The following RABGAP1L variants were observed in gnomAD, a reference collection of about 807,000 sequenced individuals.
RABGAP1L encodes the protein rab GTPase-activating protein 1-like.
RABGAP1L carries 63 observed loss-of-function variants against 137.7 expected under a neutral mutation model. The ratio of observed to expected loss-of-function variants is 0.46; its 90% CI spans 0.37 to 0.56. The LOEUF (loss-of-function observed/expected upper bound fraction) is 0.56. RABGAP1L is among the 20% of genes least tolerant of loss of function. The pLI, the probability that RABGAP1L is intolerant of heterozygous loss-of-function variation, is 0.00. For missense variants in RABGAP1L, 1,095 were observed against 1,244.0 expected, an observed-to-expected ratio of 0.88 and a Z score of 1.80; for synonymous variants, 431 against 433.7, an observed-to-expected ratio of 0.99 and a Z score of 0.08.
chr1:174,596,621 T>G (rs558203237), intron 13 of RABGAP1L, among the ~76,000 whole-genome samples: 4 of 152,222 alleles, frequency 2.6e-5, no homozygotes, highest in Non-Finnish European at 5.9e-5. Context: ...CTTGATTAAG[T>G]CTTTAGGTTT....
chr1:174,862,929 G>T (rs1479414421), intron 19 of RABGAP1L, among the ~76,000 whole-genome samples: 2 of 151,064 alleles, frequency 1.3e-5, no homozygotes, highest in Non-Finnish European at 2.9e-5. Context: ...GAGTCTTGCT[G>T]TGTCGCCCAG....
intron 19 of RABGAP1L, chr1:174,945,706 A>G (rs1666626259): frequency 6.6e-6 from 1 of 152,178 alleles, no homozygotes; most frequent in African/African-American, 2.4e-5. Context: ...ACAAATCCAT[A>G]AGGGATGCAG....
intron 19 of RABGAP1L, among the ~76,000 whole-genome samples, chr1:174,855,702 G>A (rs1202113128): frequency 6.6e-6 from 1 of 152,172 alleles, no homozygotes; most frequent in Non-Finnish European, 1.5e-5. Flanking sequence ...TTTAAAGCAG[G>A]TTTTTGAAAA....
intron 13 of RABGAP1L, among the ~76,000 whole-genome samples, chr1:174,425,024 G>A (rs1263407627): frequency 6.6e-6 from 1 of 151,918 alleles, no homozygotes; most frequent in Non-Finnish European, 1.5e-5. Flanking sequence ...GTTTTGGTTG[G>A]TATAGAACAT....
At chr1:174,923,061 C>T (rs1473003013) in intron 19 of RABGAP1L, among the ~76,000 whole-genome samples, 1 of 151,100 alleles carries the variant, frequency 6.6e-6, no homozygotes, top group African/African-American at 2.4e-5. Flanking sequence ...GTCCCAGCTA[C>T]TTGGGGGGTC....
At chr1:174,376,905 A>G (rs890942289) in intron 12 of RABGAP1L, among the ~76,000 whole-genome samples, 1 of 152,184 alleles carries the variant, frequency 6.6e-6, no homozygotes, top group African/African-American at 2.4e-5. Context: ...AGAAAAATAT[A>G]ACACTGTCTC....
chr1:174,330,974 G>C (rs1680979052), intron 11 of RABGAP1L, among the ~76,000 whole-genome samples: 1 of 152,158 alleles, frequency 6.6e-6, no homozygotes, highest in South Asian at 2.1e-4. Flanking sequence ...GTATGGCATT[G>C]GCATAAAAAA....
chr1:174,795,412 A>C (rs1688173434), intron 18 of RABGAP1L, among the ~76,000 whole-genome samples: 2 of 152,048 alleles, frequency 1.3e-5, no homozygotes, highest in Non-Finnish European at 2.9e-5. Context: ...TATACAAACA[A>C]ACCTTATTAA....
At chr1:174,748,585 C>T (rs749484674) in intron 17 of RABGAP1L, among the ~76,000 whole-genome samples, 1 of 152,044 alleles carries the variant, frequency 6.6e-6, no homozygotes, top group Non-Finnish European at 1.5e-5. Flanking sequence ...AGACATTAAT[C>T]CATGGCCGAG....
At chr1:174,582,369 G>A (rs1441219848) in intron 13 of RABGAP1L, among the ~76,000 whole-genome samples, 1 of 152,134 alleles carries the variant, frequency 6.6e-6, no homozygotes, top group Non-Finnish European at 1.5e-5. Flanking sequence ...TTGAGGCTTT[G>A]TGTATGAAAA....
At chr1:174,980,216 T>A (rs1184457810) in intron 23 of RABGAP1L, among the ~76,000 whole-genome samples, 1 of 152,196 alleles carries the variant, frequency 6.6e-6, no homozygotes, top group Non-Finnish European at 1.5e-5. Context: ...ACTAATACAT[T>A]ATGAACATCT....
intron 19 of RABGAP1L, among the ~76,000 whole-genome samples, chr1:174,820,258 C>T (rs1690878926): frequency 1.3e-5 from 2 of 152,046 alleles, no homozygotes; most frequent in African/African-American, 4.8e-5. Context: ...GGACATGGGG[C>T]CAGGGCAGTT....
At chr1:174,393,622 T>TTCAG (rs1327146023) in intron 12 of RABGAP1L, among the ~76,000 whole-genome samples, 1 of 152,218 alleles carries the variant, frequency 6.6e-6, no homozygotes, top group Non-Finnish European at 1.5e-5. Flanking sequence ...CACATCATTG[T>TTCAG]CCAGCTTGCT....
At chr1:174,273,642 A>T (rs1674738822) in intron 8 of RABGAP1L, among the ~76,000 whole-genome samples, 1 of 152,090 alleles carries the variant, frequency 6.6e-6, no homozygotes, top group African/African-American at 2.4e-5. Context: ...TCCATGAGGA[A>T]GTAAATTAGG....
At chr1:174,169,558 G>C (rs1460310044) in intron 1 of RABGAP1L, among the ~76,000 whole-genome samples, 1 of 152,086 alleles carries the variant, frequency 6.6e-6, no homozygotes, top group Non-Finnish European at 1.5e-5. Flanking sequence ...AGTAATAGTA[G>C]GAAAGAGAAA....
At chr1:174,207,726 G>T (rs1257345293) in intron 1 of RABGAP1L, among the ~76,000 whole-genome samples, 1 of 152,196 alleles carries the variant, frequency 6.6e-6, no homozygotes, top group Non-Finnish European at 1.5e-5. Flanking sequence ...CTGCCCATGT[G>T]CAGATAGGTC....
At chr1:174,606,118 A>G (rs983499022) in intron 13 of RABGAP1L, among the ~76,000 whole-genome samples, 9 of 152,230 alleles carry the variant, frequency 5.9e-5, no homozygotes, top group African/African-American at 2.2e-4. Flanking sequence ...TTTTTTTGAC[A>G]TTCATGCATA....
At chr1:174,171,673 T>G (rs1353892674) in intron 1 of RABGAP1L, among the ~76,000 whole-genome samples, 1 of 149,644 alleles carries the variant, frequency 6.7e-6, no homozygotes, top group African/African-American at 2.5e-5. Flanking sequence ...GTGGCTATAC[T>G]CTTGTTTCTG....
At chr1:174,619,622 A>T (rs1248531164) in intron 13 of RABGAP1L, among the ~76,000 whole-genome samples, 1 of 152,230 alleles carries the variant, frequency 6.6e-6, no homozygotes. Flanking sequence ...CCTGCCCTAA[A>T]AGAGCTCCTG....
Sources: allele counts gnomAD v4.1 joint callset (sites outside exome capture counted in the v4.1 genomes callset), GRCh38; gene constraint gnomAD v4.1.1; transcripts MANE v1.5; gene names NCBI Gene and HGNC (gene_info 2026-07-23, HGNC 2026-07-21).